GRID1: variants seen among roughly 807,000 people sequenced by gnomAD.
GRID1 encodes the protein glutamate ionotropic receptor delta type subunit 1.
GRID1 carries 28 observed loss-of-function variants against 98.0 expected under a neutral mutation model. That is an observed-to-expected ratio of 0.29 (90% confidence interval 0.21 to 0.39). The LOEUF (loss-of-function observed/expected upper bound fraction) is 0.39, where lower values mean the gene tolerates loss of function less well. Among genes scored for constraint, GRID1 ranks in the 10% least tolerant of loss-of-function variants. The pLI is 1.00. For synonymous variants in GRID1, 553 were observed against 538.5 expected, an observed-to-expected ratio of 1.03 and a Z score of -0.37; for missense variants, 1,111 against 1,340.5, an observed-to-expected ratio of 0.83 and a Z score of 2.67.
At chr10:86,171,122 G>A (rs1036896099) in intron 3 of GRID1, among the ~76,000 whole-genome samples, 5 of 152,122 alleles carry the variant, frequency 3.3e-5, no homozygotes, top group African/African-American at 1.2e-4. Context: ...CAGGACTAAG[G>A]CACCTGTATT....
At chr10:86,154,487 G>A (rs560127312) in intron 3 of GRID1, among the ~76,000 whole-genome samples, 16 of 152,144 alleles carry the variant, frequency 1.1e-4, no homozygotes, top group African/African-American at 3.9e-4. Flanking sequence ...CCACACCCTG[G>A]TCTCCAGAAG....
intron 8 of GRID1, among the ~76,000 whole-genome samples, chr10:85,770,907 T>C (rs1005090288): frequency 3.3e-5 from 5 of 152,188 alleles, no homozygotes; most frequent in African/African-American, 1.2e-4. Flanking sequence ...CTCTGCAGGG[T>C]ATTATCCAGG....
At chr10:85,993,580 A>T (rs1324137342) in intron 4 of GRID1, among the ~76,000 whole-genome samples, 1 of 152,260 alleles carries the variant, frequency 6.6e-6, no homozygotes, top group South Asian at 2.1e-4. Flanking sequence ...TACTGCTCCT[A>T]CTCTATACAC....
intron 5 of GRID1, among the ~76,000 whole-genome samples, chr10:85,882,057 T>C (rs1487673976): frequency 1.3e-5 from 2 of 152,004 alleles, no homozygotes; most frequent in South Asian, 2.1e-4. Flanking sequence ...GAAATGCAAA[T>C]CAAAACCACA....
intron 4 of GRID1, among the ~76,000 whole-genome samples, chr10:85,969,085 T>C (rs770188403): frequency 1.3e-5 from 2 of 152,168 alleles, no homozygotes; most frequent in Non-Finnish European, 2.9e-5. Flanking sequence ...AAAAGTGCTA[T>C]TGAACACAAA....
intron 12 of GRID1, among the ~76,000 whole-genome samples, chr10:85,663,014 C>T (rs1840983017): frequency 6.6e-6 from 1 of 152,192 alleles, no homozygotes; most frequent in African/African-American, 2.4e-5. Flanking sequence ...CCACATGGAA[C>T]AGTTCTCCTT....
chr10:86,008,502 T>C (rs1342136376), intron 4 of GRID1, among the ~76,000 whole-genome samples: 1 of 152,186 alleles, frequency 6.6e-6, no homozygotes, highest in Non-Finnish European at 1.5e-5. Flanking sequence ...GTAACACTTA[T>C]AATTGACCAT....
intron 5 of GRID1, among the ~76,000 whole-genome samples, chr10:85,905,514 T>C (rs1350919384): frequency 1.3e-5 from 2 of 152,250 alleles, no homozygotes; most frequent in African/African-American, 4.8e-5. Flanking sequence ...TAAATCTCTT[T>C]AAAAGATAAC....
intron 4 of GRID1, among the ~76,000 whole-genome samples, chr10:85,993,246 C>A (rs1181259239): frequency 2.0e-5 from 3 of 152,068 alleles, no homozygotes; most frequent in African/African-American, 4.8e-5. Context: ...GGACAGTGGG[C>A]AGAATCTGTG....
chr10:86,160,905 A>G (rs1845312374), intron 3 of GRID1, among the ~76,000 whole-genome samples: 2 of 152,248 alleles, frequency 1.3e-5, no homozygotes, highest in African/African-American at 2.4e-5. Context: ...GTCTGAGCAC[A>G]CGCTCAGTGT....
chr10:85,797,199 T>A (rs574646852), intron 8 of GRID1, among the ~76,000 whole-genome samples: 2 of 152,232 alleles, frequency 1.3e-5, no homozygotes, highest in African/African-American at 2.4e-5. Flanking sequence ...CTCAAAACAC[T>A]GGATAATTTA....
chr10:85,976,062 T>C (rs899268646), intron 4 of GRID1, among the ~76,000 whole-genome samples: 2 of 152,210 alleles, frequency 1.3e-5, no homozygotes, highest in Admixed American at 1.3e-4. Flanking sequence ...GTCTAATAGA[T>C]GCCAACACTT....
intron 2 of GRID1, among the ~76,000 whole-genome samples, chr10:86,253,129 A>G (rs943071822): frequency 4.6e-5 from 7 of 152,216 alleles, no homozygotes; most frequent in African/African-American, 1.2e-4. Flanking sequence ...ACTTTTTGGT[A>G]ATTACATTTA....
intron 8 of GRID1, among the ~76,000 whole-genome samples, chr10:85,834,972 C>A (rs1842900301): frequency 6.6e-6 from 1 of 151,986 alleles, no homozygotes; most frequent in Non-Finnish European, 1.5e-5. Flanking sequence ...AAGGCAATAA[C>A]ATGGTGGGTT....
intron 4 of GRID1, among the ~76,000 whole-genome samples, chr10:86,070,767 TCCA>T (rs1843792171): frequency 6.6e-6 from 1 of 152,224 alleles, no homozygotes; most frequent in African/African-American, 2.4e-5. Flanking sequence ...CATTGACTAT[TCCA>T]GGCACTGAGC....
At chr10:85,993,624 C>T (rs1837437112) in intron 4 of GRID1, among the ~76,000 whole-genome samples, 1 of 152,044 alleles carries the variant, frequency 6.6e-6, no homozygotes, top group Non-Finnish European at 1.5e-5. Context: ...GGTACCCCAG[C>T]CAGGGCCCAT....
chr10:85,986,173 T>A (rs941280427), intron 4 of GRID1, among the ~76,000 whole-genome samples: 1 of 152,252 alleles, frequency 6.6e-6, no homozygotes, highest in African/African-American at 2.4e-5. Flanking sequence ...GGTGGATGCA[T>A]AAATGTACGC....
intron 8 of GRID1, among the ~76,000 whole-genome samples, chr10:85,837,756 T>C (rs1211563366): frequency 5.3e-5 from 8 of 152,166 alleles, no homozygotes; most frequent in Admixed American, 5.2e-4. Flanking sequence ...GTGTCTTCTT[T>C]CCTCCAAATG....
chr10:86,167,268 G>C (rs571389460), intron 3 of GRID1, among the ~76,000 whole-genome samples: 2 of 152,352 alleles, frequency 1.3e-5, no homozygotes, highest in East Asian at 3.9e-4. Context: ...CCCTGCTGCT[G>C]TCTTCCTGAG....
Sources: allele counts gnomAD v4.1 joint callset (sites outside exome capture counted in the v4.1 genomes callset), GRCh38; gene constraint gnomAD v4.1.1; transcripts MANE v1.5; gene names NCBI Gene and HGNC (gene_info 2026-07-23, HGNC 2026-07-21).